The following GLRB variants were observed in gnomAD, a reference collection of about 807,000 sequenced individuals.
GLRB encodes the protein glycine receptor subunit beta.
In GLRB, 33 loss-of-function variants were observed where a neutral mutation model predicts 54.2. The ratio of observed to expected loss-of-function variants is 0.61; its 90% CI spans 0.46 to 0.81. The LOEUF (loss-of-function observed/expected upper bound fraction) is 0.81, where lower values mean the gene tolerates loss of function less well. Among genes scored for constraint, GLRB ranks in the 40% least tolerant of loss-of-function variants. The probability of loss-of-function intolerance (pLI) is 0.00; values close to 1 mark genes in which losing one functional copy is unlikely to be tolerated. For synonymous variants in GLRB, 209 were observed against 208.2 expected (o/e 1.00, Z -0.03); for missense variants, 572 against 584.6 (o/e 0.98, Z 0.22).
At chr4:157,150,344 T>C (rs1736973506) in intron 8 of GLRB, among the ~76,000 whole-genome samples, 1 of 152,080 alleles carries the variant, frequency 6.6e-6, no homozygotes, top group African/African-American at 2.4e-5. Flanking sequence ...TCTTCAACTT[T>C]CCTTCTTATA....
At chr4:157,118,929 T>TTG (rs762388228) in intron 2 of GLRB, among the ~76,000 whole-genome samples, 6 of 151,400 alleles carry the variant, frequency 4.0e-5, no homozygotes, top group South Asian at 2.1e-4. Context: ...GTCATGGATT[T>TTG]TGTGTGTGTG....
Position 157,096,069 on chromosome 4 carries a change from G to A in GLRB, c.122+17923G>A, listed in dbSNP as rs79925710. 7.8e-3 allele frequency among the ~76,000 whole-genome samples: 1,182 copies of A among 152,256 alleles called. 21 individuals carry two copies. The East Asian group carries it at 0.1, about 13-fold the overall frequency. On this transcript the variant is annotated intron_variant, in intron 2 of 9. Transcript: ENST00000264428. ...AGTGGCCAGTTGGAGAAAAGTCACAGTCCTTTCCTGGGAATTGAAATTAGA... is the reference window on the plus strand; with the variant it reads ...AGTGGCCAGTTGGAGAAAAGTCACAATCCTTTCCTGGGAATTGAAATTAGA...
intron 2 of GLRB, among the ~76,000 whole-genome samples, chr4:157,082,269 G>A (rs1195706995): frequency 4.6e-5 from 7 of 152,024 alleles, no homozygotes; most frequent in African/African-American, 1.7e-4. Flanking sequence ...CTAATCCTGA[G>A]GATTTAGATA....
At chr4:157,134,458 C>T (rs188394928) in intron 4 of GLRB, among the ~76,000 whole-genome samples, 51 of 151,470 alleles carry the variant, frequency 3.4e-4, no homozygotes, top group African/African-American at 1.2e-3. Flanking sequence ...TCACTGCCCT[C>T]CAACCTGGGC....
intron 4 of GLRB, among the ~76,000 whole-genome samples, chr4:157,134,190 T>C (rs1169739117): frequency 2.0e-5 from 3 of 152,076 alleles, no homozygotes; most frequent in Non-Finnish European, 4.4e-5. Flanking sequence ...TGATATAAAA[T>C]CTTTAGAAAT....
chr4:157,077,968 G>A, intron 1 of GLRB, 28 bp from the exon 2 acceptor site: 1 of 1,478,776 alleles, frequency 6.8e-7, no homozygotes. Context: ...CTTCATAAAT[G>A]TAAACATTTT....
intron 8 of GLRB, among the ~76,000 whole-genome samples, chr4:157,147,822 G>A (rs1736868472): frequency 6.6e-6 from 1 of 152,184 alleles, no homozygotes; most frequent in South Asian, 2.1e-4. Flanking sequence ...CTTCAACAAA[G>A]TCAATGAACC....
intron 4 of GLRB, among the ~76,000 whole-genome samples, chr4:157,123,294 C>A (rs1046404128): frequency 2.0e-5 from 3 of 151,586 alleles, no homozygotes; most frequent in African/African-American, 7.3e-5. Flanking sequence ...AGAGTACAGT[C>A]TAATTTTCCT....
chr4:157,117,762 G>T (rs912442450), intron 2 of GLRB, among the ~76,000 whole-genome samples: 3 of 151,628 alleles, frequency 2.0e-5, no homozygotes, highest in Non-Finnish European at 4.4e-5. Context: ...GAACCAATGT[G>T]TATTTAATAC....
chr4:157,116,574 T>C (rs150237943), intron 2 of GLRB, among the ~76,000 whole-genome samples: 1,614 of 151,836 alleles, frequency 0.011, 21 homozygotes, highest in African/African-American at 0.037. Context: ...TAAGGAGATA[T>C]ATAGTAACAT....
intron 2 of GLRB, among the ~76,000 whole-genome samples, chr4:157,117,187 C>G (rs1161756709): frequency 2.0e-5 from 3 of 151,658 alleles, no homozygotes; most frequent in African/African-American, 7.2e-5. Flanking sequence ...TACATATGCC[C>G]TAAAGCAATA....
At chr4:157,153,033 A>G in intron 9 of GLRB, 23 bp downstream of exon 9, 2 of 1,592,238 alleles carry the variant, frequency 1.3e-6, no homozygotes, top group Non-Finnish European at 1.7e-6. Flanking sequence ...TTATGCCATG[A>G]AATCATTTCC....
rs554418519 is a variant in GLRB at position 157,106,912 on chromosome 4, G to A, written c.123-13644G>A. Among the ~76,000 whole-genome samples the A allele has an allele frequency of 6.6e-5, 10 of 152,012 alleles. No homozygotes were observed. The South Asian group carries it at 8.4e-4, about 13-fold the overall frequency. The stretch of plus-strand genomic sequence containing the variant: ...TAAAAAACACCAATTAAAGGTTTGC[G>A]GCAACCTGCTTTGAGCTAGTGTGTT... On this transcript the variant is annotated intron_variant, in intron 2 of 9. Coordinates refer to ENST00000264428, the MANE Select transcript of GLRB (RefSeq NM_000824.5).
intron 4 of GLRB, among the ~76,000 whole-genome samples, chr4:157,133,887 C>G (rs1451392992): frequency 6.6e-6 from 1 of 152,034 alleles, no homozygotes; most frequent in African/African-American, 2.4e-5. Flanking sequence ...CATGGAGAAA[C>G]ACTATTAAAA....
chr4:157,118,602 A>G (rs553135128), intron 2 of GLRB, among the ~76,000 whole-genome samples: 5 of 151,722 alleles, frequency 3.3e-5, no homozygotes, highest in African/African-American at 1.2e-4. Flanking sequence ...ATCTTTTAAA[A>G]TGCTTTGCAC....
chr4:157,099,675 A>C (rs1202328406), intron 2 of GLRB, among the ~76,000 whole-genome samples: 1 of 152,122 alleles, frequency 6.6e-6, no homozygotes, highest in African/African-American at 2.4e-5. Flanking sequence ...GTTGGACATA[A>C]ACATTCATAT....
chr4:157,158,364 T>C (rs991963396), intron 9 of GLRB, among the ~76,000 whole-genome samples: 18 of 152,202 alleles, frequency 1.2e-4, no homozygotes, highest in African/African-American at 4.1e-4. Context: ...TTTTGGCTTT[T>C]GTTGCCATTG....
chr4:157,139,216 T>C (rs1021318180), intron 7 of GLRB, among the ~76,000 whole-genome samples: 1 of 152,144 alleles, frequency 6.6e-6, no homozygotes, highest in African/African-American at 2.4e-5. Context: ...TAATGAAAAC[T>C]CTCTCAGGTA....
Position 157,120,628 on chromosome 4 carries a change from C to A in GLRB, c.195C>A (p.Val65=). Reference sequence around the variant, plus strand: ...GCAATATCTTGAACAGGTTATTGGTCAGTTATGATCCCAGGATAAGACCAA... The same window carrying A: ...GCAATATCTTGAACAGGTTATTGGTAAGTTATGATCCCAGGATAAGACCAA... ...STSNILNRLL[V]SYDPRIRPNF... Residue 65 remains valine (V), a synonymous_variant, in exon 3 of 10, where the codon GTC becomes GTA. Transcript: ENST00000264428. 1 of 1,592,962 alleles carries A rather than the reference C, an allele frequency of 6.3e-7. No individual in the cohort carries two copies. The highest frequency in any genetic ancestry group is 1.1e-5 in the South Asian group (1 of 90,570).
Sources: gnomAD v4.1 joint callset for allele counts (sites outside exome capture counted in the v4.1 genomes callset) on GRCh38, gnomAD v4.1.1 for gene constraint, MANE v1.5 for transcripts, NCBI Gene and HGNC (gene_info 2026-07-23, HGNC 2026-07-21) for gene names.